Variants in TMCC2 observed in about 807,000 individuals in gnomAD.
TMCC2 encodes transmembrane and coiled-coil domains protein 2.
In TMCC2, 16 loss-of-function variants were observed where a neutral mutation model predicts 49.4. The observed-to-expected ratio is 0.32, with a 90% confidence interval of 0.22 to 0.49. TMCC2 has a LOEUF of 0.49. TMCC2 is among the 20% of genes least tolerant of loss of function. TMCC2 has a pLI of 0.99. For missense variants in TMCC2, 762 were observed against 989.8 expected (o/e 0.77, Z 3.09); for synonymous variants, 397 against 434.1 (o/e 0.91, Z 1.06).
rs114842343 is a variant in TMCC2, at chr1:205,233,406, G to C, written c.207+4635G>C. 4.4e-3 allele frequency among the ~76,000 whole-genome samples: 669 copies of C among 152,286 alleles called. 7 individuals are homozygous for C. Among genetic ancestry groups the C allele is most frequent in the African/African-American group, 0.015 (627 of 41,560 alleles). On this transcript the variant is annotated intron_variant, in intron 1 of 4. Coordinates refer to ENST00000358024, the MANE Select transcript of TMCC2 (RefSeq NM_014858.4). ...TCATGTTCCAGTCACACCATACACTGGTCTTCCTGCCTACTTAGTGAAGAG... is the reference window on the plus strand; with the variant it reads ...TCATGTTCCAGTCACACCATACACTCGTCTTCCTGCCTACTTAGTGAAGAG...
rs1216089123 is a variant in TMCC2 at position 205,229,967 on chromosome 1, A to T, written c.207+1196A>T. Reference sequence around the variant, plus strand: ...AGCGAGATGTCAGCCCAAGGAAGGAACTTAGATGCCTTGGAAATTGATGCC... The same window carrying T: ...AGCGAGATGTCAGCCCAAGGAAGGATCTTAGATGCCTTGGAAATTGATGCC... On this transcript the variant is annotated intron_variant, in intron 1 of 4. Transcript: ENST00000358024. The T allele has an allele frequency of 6.1e-6, 6 of 985,378 alleles. No individual in the cohort carries two copies. The African/African-American group carries it at 1.0e-4, about 17-fold the overall frequency. 61.0% of individuals were successfully genotyped at this position (985,378 alleles called of 1,614,324 possible). A position where few individuals can be genotyped will look rare whatever the true frequency, so the allele number is the denominator to read the frequency against.
intron 2 of TMCC2, among the ~76,000 whole-genome samples, chr1:205,267,509 T>G (rs1179027066): frequency 6.6e-6 from 1 of 152,046 alleles, no homozygotes; most frequent in African/African-American, 2.4e-5. Flanking sequence ...TAAAAATACA[T>G]GGGGTTGAGC....
In TMCC2 at chr1:205,252,156, A is replaced by G. The variant is rs566985620; in HGVS notation, c.747+10112A>G. Among the ~76,000 whole-genome samples the G allele has an allele frequency of 1.2e-4, 18 of 152,294 alleles. 1 individual carries two copies. In the South Asian group the frequency reaches 3.7e-3, roughly 32 times the overall value. The stretch of plus-strand genomic sequence containing the variant: ...TGATTTGCCTAAAAGTGACCTATGT[A>G]AGTGGTTCTGTTCACTGCCCAACAT... On this transcript the variant is annotated intron_variant, in intron 2 of 4. Coordinates refer to ENST00000358024, the MANE Select transcript of TMCC2 (RefSeq NM_014858.4).
rs546020420 is a variant in TMCC2 at position 205,270,826 on chromosome 1, C to T, written c.1683-294C>T. The stretch of plus-strand genomic sequence containing the variant: ...TCCTAGGCAGGCTCCTCAGCCTCCA[C>T]GCCTCAGTCTTCTCCTCTGTAAAAT... On this transcript the variant is annotated intron_variant, in intron 3 of 4. Coordinates refer to ENST00000358024, the MANE Select transcript of TMCC2 (RefSeq NM_014858.4). Among the ~76,000 whole-genome samples, 27 of 152,316 alleles carry T rather than the reference C, an allele frequency of 1.8e-4. No individual in the cohort carries two copies. The East Asian group carries it at 3.5e-3, about 20-fold the overall frequency.
chr1:205,265,709 C>A (rs1028012841), intron 2 of TMCC2, among the ~76,000 whole-genome samples: 4 of 151,538 alleles, frequency 2.6e-5, no homozygotes, highest in Non-Finnish European at 4.4e-5. Flanking sequence ...TACAGGCGTC[C>A]GCCACCACGC....
At chr1:205,271,407 C>A in intron 4 of TMCC2, 152 bp downstream of exon 4, 1 of 1,304,720 alleles carries the variant, frequency 7.7e-7, no homozygotes. Context: ...GGCAGCGTAG[C>A]GGGAGCGGAG....
At chr1:205,228,947 T>C in intron 1 of TMCC2, 176 bp downstream of exon 1, 1 of 1,413,264 alleles carries the variant, frequency 7.1e-7, no homozygotes, top group Non-Finnish European at 9.2e-7. Flanking sequence ...TATGCCTCTG[T>C]CTTTCAGCTC....
intron 2 of TMCC2, chr1:205,246,474 A>G: frequency 5.6e-6 from 8 of 1,429,334 alleles, no homozygotes; most frequent in Non-Finnish European, 7.3e-6. Context: ...CAGCATATAG[A>G]TAGTATTTAA....
Position 205,271,791 on chromosome 1 carries a change from G to T in TMCC2, c.1819-22G>T, listed in dbSNP as rs1393617415. On this transcript the variant is annotated intron_variant, in intron 4 of 4. Coordinates refer to ENST00000358024, the MANE Select transcript of TMCC2 (RefSeq NM_014858.4). ...TCCTGCCCATCCTGAGCGCACACAT[G>T]CCAGCCCCTCTGCCCCTGCAGGAGG... The T allele has an allele frequency of 2.5e-6, 4 of 1,602,214 alleles. No homozygotes were observed. The Admixed American group carries it at 6.7e-5, about 27-fold the overall frequency.
intron 1 of TMCC2, among the ~76,000 whole-genome samples, chr1:205,240,600 C>G (rs1660226036): frequency 6.6e-6 from 1 of 152,132 alleles, no homozygotes; most frequent in Non-Finnish European, 1.5e-5. Flanking sequence ...TTTCATGCAA[C>G]AAGAATCCCA....
At position 205,269,789 on chromosome 1, in the gene TMCC2, A is replaced by G; in HGVS notation, c.1587A>G (p.Gly529=). ...AAGAGCTACGGGAGATCAAGGAGGG[A>G]CAGTCTCACCTGGAGGACTCCATGG... ...LLEELREIKE[G]QSHLEDSMED... The change falls in exon 3 of 5, where the codon GGA becomes GGG. Residue 529 remains glycine, a synonymous_variant. Transcript: ENST00000358024. The G allele has an allele frequency of 1.9e-6, 3 of 1,614,148 alleles. No homozygotes were observed. Among genetic ancestry groups the G allele is most frequent in the Non-Finnish European group, 2.5e-6 (3 of 1,180,018 alleles).
chr1:205,233,244 G>T lies in TMCC2; in HGVS notation c.207+4473G>T, dbSNP rs185682856. Among the ~76,000 whole-genome samples, 3 of 152,252 alleles carry T rather than the reference G, an allele frequency of 2.0e-5. No individual in the cohort carries two copies. The East Asian group carries it at 5.8e-4, about 29-fold the overall frequency. ...TAAGGTTCTCTTTCCTCTCACAAAA[G>T]CCCCTTTAAGTAATTTCCCTGGAGA... On this transcript the variant is annotated intron_variant, in intron 1 of 4. Transcript: ENST00000358024.
intron 2 of TMCC2, among the ~76,000 whole-genome samples, chr1:205,254,125 T>C (rs1408333412): frequency 2.0e-5 from 3 of 152,176 alleles, no homozygotes; most frequent in Non-Finnish European, 4.4e-5. Context: ...GGACAGAACA[T>C]GGAAGCCGCA....
rs1311326478 is a variant in TMCC2 at position 205,242,444 on chromosome 1, TAC to T, written c.747+402_747+403del. ...CAATTGAAAATGAGGATAATAATAG[TAC>T]AGTTGTAGGACTAAATGAGTTAATA... On this transcript the variant is annotated intron_variant, in intron 2 of 4. Coordinates refer to ENST00000358024, the MANE Select transcript of TMCC2 (RefSeq NM_014858.4). Among the ~76,000 whole-genome samples the T allele has an allele frequency of 9.7e-4, 147 of 152,268 alleles. 2 individuals carry two copies. The highest frequency in any genetic ancestry group is 3.3e-3 in the African/African-American group (139 of 41,562).
intron 1 of TMCC2, among the ~76,000 whole-genome samples, chr1:205,232,566 C>T (rs547300154): frequency 1.3e-5 from 2 of 152,246 alleles, no homozygotes; most frequent in South Asian, 4.2e-4. Flanking sequence ...AAACCCAGTT[C>T]CATTGCATAT....
At chr1:205,246,504 T>C in intron 2 of TMCC2, 4 of 1,482,120 alleles carry the variant, frequency 2.7e-6, no homozygotes, top group Non-Finnish European at 3.6e-6. Context: ...ACTGAACCAT[T>C]TGCAAGCCTA....
At chr1:205,266,653 A>G (rs1668874) in intron 2 of TMCC2, among the ~76,000 whole-genome samples, 139,181 of 152,024 alleles carry the variant, frequency 0.92, 63,812 homozygotes, top group East Asian at 1. Context: ...CTAGCAATAC[A>G]GAGTAAATTT....
In TMCC2 at chr1:205,271,114, C is replaced by T. The variant is rs375278162; in HGVS notation, c.1683-6C>T. 1.7e-4 allele frequency: 268 copies of T among 1,612,182 alleles called. 2 individuals carry two copies. In the African/African-American group the frequency reaches 3.1e-3, roughly 18 times the overall value. ...GGACTGGTGTCACTCTCTCTCCCTC[C>T]GCCAGGTACGAGCGGCTGGAGGAGC... On this transcript the variant is annotated splice_region_variant and splice_polypyrimidine_tract_variant and intron_variant, in intron 3 of 4. Coordinates refer to ENST00000358024, the MANE Select transcript of TMCC2 (RefSeq NM_014858.4).
chr1:205,269,065 C>T lies in TMCC2; in HGVS notation c.863C>T (p.Ala288Val), dbSNP rs1401120206. The T allele has an allele frequency of 6.2e-7, 1 of 1,613,812 alleles. No individual in the cohort carries two copies. Among genetic ancestry groups the T allele is most frequent in the Non-Finnish European group, 8.5e-7 (1 of 1,180,026 alleles). ...CCGGACCCCCAGCGGACCAAGGCCG[C>T]CATTGACCACCTGCACCAGAAGATC... ...GAPDPQRTKAAIDHLHQKILK... is the reference protein window; with the variant it reads ...GAPDPQRTKAVIDHLHQKILK... Residue 288 changes from alanine to valine, a missense_variant, in exon 3 of 5, where the codon GCC (alanine) becomes GTC (valine). By Grantham distance (64) the Ala-to-Val change is moderately conservative. This residue lies in a region of TMCC2 where 440 missense variants were observed against 636.7 expected (regional missense o/e 0.69). Coordinates refer to ENST00000358024, the MANE Select transcript of TMCC2 (RefSeq NM_014858.4).
Sources: gnomAD v4.1 joint callset for allele counts (sites outside exome capture counted in the v4.1 genomes callset) on GRCh38, gnomAD v4.1.1 for gene constraint, gnomAD v4.1.1 regional missense constraint, MANE v1.5 for transcripts, NCBI Gene and HGNC (gene_info 2026-07-23, HGNC 2026-07-21) for gene names.